SSBP2: variants seen among roughly 807,000 people sequenced by gnomAD.
The protein encoded by SSBP2 is single-stranded DNA-binding protein 2.
In SSBP2, 17 loss-of-function variants were observed where a neutral mutation model predicts 61.8. The observed-to-expected ratio is 0.28, with a 90% CI of 0.19 to 0.41. The LOEUF is 0.41. Among genes scored for constraint, SSBP2 ranks in the 10% least tolerant of loss-of-function variants. The pLI, the probability that SSBP2 is intolerant of heterozygous loss-of-function variation, is 1.00. For synonymous variants in SSBP2, 139 were observed against 141.3 expected, an observed-to-expected ratio of 0.98 and a Z score of 0.12; for missense variants, 310 against 458.7, an observed-to-expected ratio of 0.68 and a Z score of 2.96.
intron 4 of SSBP2, among the ~76,000 whole-genome samples, chr5:81,558,812 T>C (rs909786316): frequency 6.6e-6 from 1 of 152,232 alleles, no homozygotes; most frequent in Non-Finnish European, 1.5e-5. Flanking sequence ...AGCAAAAATA[T>C]TTATCATACA....
At chr5:81,659,732 A>C (rs1750527179) in intron 1 of SSBP2, among the ~76,000 whole-genome samples, 1 of 152,198 alleles carries the variant, frequency 6.6e-6, no homozygotes, top group Non-Finnish European at 1.5e-5. Context: ...AAAAGAACTA[A>C]GCTGGAGGCA....
chr5:81,703,638 T>G (rs1754156302), intron 1 of SSBP2, among the ~76,000 whole-genome samples: 1 of 152,212 alleles, frequency 6.6e-6, no homozygotes, highest in African/African-American at 2.4e-5. Context: ...TAAATTCAAT[T>G]CCTCTACTGA....
chr5:81,512,847 A>G (rs1768720042), intron 5 of SSBP2, among the ~76,000 whole-genome samples: 1 of 152,124 alleles, frequency 6.6e-6, no homozygotes, highest in Non-Finnish European at 1.5e-5. Flanking sequence ...ACAATACAGC[A>G]TATTACCTTA....
At chr5:81,438,320 C>T (rs114661602) in intron 14 of SSBP2, among the ~76,000 whole-genome samples, 13,141 of 145,214 alleles carry the variant, frequency 0.09, 649 homozygotes, top group African/African-American at 0.11. Flanking sequence ...CACTGCACTC[C>T]AGTGTAGGTG....
At chr5:81,616,999 G>C (rs1382817221) in intron 3 of SSBP2, among the ~76,000 whole-genome samples, 1 of 110,956 alleles carries the variant, frequency 9.0e-6, no homozygotes, top group Non-Finnish European at 1.8e-5. Context: ...ACAAAGATGG[G>C]GAAAAAACAG....
chr5:81,711,495 C>CTT (rs1386940029), intron 1 of SSBP2, among the ~76,000 whole-genome samples: 3 of 152,018 alleles, frequency 2.0e-5, no homozygotes, highest in African/African-American at 4.8e-5. Context: ...AATGACAGTT[C>CTT]AATAGGAGAG....
chr5:81,685,145 T>C (rs1046032115), intron 1 of SSBP2, among the ~76,000 whole-genome samples: 1 of 152,178 alleles, frequency 6.6e-6, no homozygotes, highest in Non-Finnish European at 1.5e-5. Context: ...CCTTCTGCCA[T>C]GATTTTAAGT....
rs139911197 is a variant in SSBP2, at chr5:81,440,630, T to A, written c.856A>T (p.Met286Leu). The A allele has an allele frequency of 5.6e-6, 9 of 1,595,782 alleles. No individual in the cohort carries two copies. The East Asian group carries it at 2.0e-4, about 36-fold the overall frequency. ...ATGGGACCATCTGACCCAGGACCCA[T>A]TGGAAACTATTTTAAAAATGAAGAA... Residue 286 changes from methionine (M) to leucine (L), a missense_variant, in exon 14 of 17, where the codon ATG becomes TTG. Around this residue, in one of 4 missense-constraint regions of SSBP2, gnomAD observed 209 missense variants for 286.4 expected, o/e 0.73. Coordinates refer to ENST00000320672, the MANE Select transcript of SSBP2 (RefSeq NM_012446.5).
chr5:81,611,702 A>G (rs538281587), intron 4 of SSBP2, among the ~76,000 whole-genome samples: 51 of 152,290 alleles, frequency 3.3e-4, no homozygotes, highest in African/African-American at 1.2e-3. Flanking sequence ...TAATTTAAAA[A>G]TATTTCAGTG....
intron 1 of SSBP2, among the ~76,000 whole-genome samples, chr5:81,710,391 TAA>T (rs1382283940): frequency 6.6e-6 from 1 of 152,084 alleles, no homozygotes; most frequent in Non-Finnish European, 1.5e-5. Flanking sequence ...AATCTTGTGA[TAA>T]AGAGTAGCTT....
At position 81,686,712 on chromosome 5, in the gene SSBP2, G is replaced by A. The variant is rs377346185; in HGVS notation, c.63-36373C>T. Reference sequence around the variant, plus strand: ...TCTACTAAAAATACAAAAATTAGCCGGGTGTGGTGGCATGTGCCTATAGTC... The same window carrying A: ...TCTACTAAAAATACAAAAATTAGCCAGGTGTGGTGGCATGTGCCTATAGTC... On this transcript the variant is annotated intron_variant, in intron 1 of 16. Coordinates refer to ENST00000320672, the MANE Select transcript of SSBP2 (RefSeq NM_012446.5). Among the ~76,000 whole-genome samples the A allele has an allele frequency of 4.0e-4, 61 of 151,860 alleles. No individual in the cohort carries two copies. The East Asian group carries it at 9.7e-3, about 24-fold the overall frequency.
At chr5:81,557,196 A>G (rs949127095) in intron 4 of SSBP2, among the ~76,000 whole-genome samples, 9 of 152,216 alleles carry the variant, frequency 5.9e-5, no homozygotes, top group Admixed American at 5.9e-4. Context: ...ACTTTCAACA[A>G]AAAGTTTGCT....
intron 4 of SSBP2, among the ~76,000 whole-genome samples, chr5:81,600,166 A>C (rs1406281446): frequency 6.6e-6 from 1 of 152,174 alleles, no homozygotes; most frequent in Non-Finnish European, 1.5e-5. Flanking sequence ...AAATAAGATA[A>C]ATAATATGTA....
At chr5:81,739,216 G>C (rs1305773931) in intron 1 of SSBP2, among the ~76,000 whole-genome samples, 1 of 140,352 alleles carries the variant, frequency 7.1e-6, no homozygotes, top group African/African-American at 2.6e-5. Flanking sequence ...CCTAGGTCAA[G>C]TTGTCATTTA....
At chr5:81,675,687 C>T (rs1030568311) in intron 1 of SSBP2, among the ~76,000 whole-genome samples, 2 of 152,054 alleles carry the variant, frequency 1.3e-5, no homozygotes, top group Admixed American at 6.6e-5. Flanking sequence ...GGTAGCCTTC[C>T]CATAATACAA....
chr5:81,551,873 T>A (rs1045533802), intron 4 of SSBP2, among the ~76,000 whole-genome samples: 1 of 152,222 alleles, frequency 6.6e-6, no homozygotes, highest in African/African-American at 2.4e-5. Flanking sequence ...TGTTGACAAC[T>A]ATTAAATAGA....
chr5:81,595,105 TAAA>T (rs1260253299), intron 4 of SSBP2, among the ~76,000 whole-genome samples: 2 of 151,860 alleles, frequency 1.3e-5, no homozygotes, highest in East Asian at 1.9e-4. Context: ...GCAAGACTAA[TAAA>T]GAAGAAGAGA....
intron 10 of SSBP2, among the ~76,000 whole-genome samples, chr5:81,452,742 T>C (rs1258520498): frequency 6.6e-6 from 1 of 152,008 alleles, no homozygotes; most frequent in Non-Finnish European, 1.5e-5. Flanking sequence ...TTTGGGGAAA[T>C]GTCTGATTAT....
chr5:81,491,313 A>C (rs1399337726), intron 5 of SSBP2, among the ~76,000 whole-genome samples: 1 of 152,242 alleles, frequency 6.6e-6, no homozygotes, highest in African/African-American at 2.4e-5. Flanking sequence ...GTAGAATACA[A>C]GGTAAAATTA....
Sources: gnomAD v4.1 joint callset for allele counts (sites outside exome capture counted in the v4.1 genomes callset) on GRCh38, gnomAD v4.1.1 for gene constraint, gnomAD v4.1.1 regional missense constraint, MANE v1.5 for transcripts, NCBI Gene and HGNC (gene_info 2026-07-23, HGNC 2026-07-21) for gene names.